The following ADGRG4 variants were observed in gnomAD, a reference collection of about 807,000 sequenced individuals.
ADGRG4 encodes the protein adhesion G protein-coupled receptor G4.
In ADGRG4, 122 loss-of-function variants were observed where a neutral mutation model predicts 126.2. The ratio of observed to expected loss-of-function variants is 0.97; its 90% CI spans 0.83 to 1.12. ADGRG4 has a LOEUF of 1.12. ADGRG4 is among the 50% of genes most tolerant of loss of function. The pLI, the probability that ADGRG4 is intolerant of heterozygous loss-of-function variation, is 0.00. For synonymous variants in ADGRG4, 943 were observed against 838.7 expected (o/e 1.12, Z -2.15); for missense variants, 2,481 against 2,251.8 (o/e 1.10, Z -2.06).
intron 12 of ADGRG4, 116 bp downstream of exon 12, chrX:136,361,703 GTCTT>G (rs1446272712): frequency 6.4e-6 from 3 of 465,708 alleles, no homozygotes; most frequent in Admixed American, 4.2e-5. Flanking sequence ...TCTAGTGCCA[GTCTT>G]TCTTTCTATT....
At chrX:136,312,572 G>A (rs764005174) in intron 4 of ADGRG4, among the ~76,000 whole-genome samples, 5 of 111,939 alleles carry the variant, frequency 4.5e-5, no homozygotes, top group Non-Finnish European at 7.5e-5. Flanking sequence ...GTTGCAGTGA[G>A]TTAAGATCGC....
At chrX:136,353,273 T>C in intron 7 of ADGRG4, 64 bp from the exon 8 acceptor site, 1 of 727,943 alleles carries the variant, frequency 1.4e-6, no homozygotes, top group Non-Finnish European at 2.2e-6. Flanking sequence ...CCATCCCAAG[T>C]GATTTTGCTG....
At chrX:136,337,391 C>A (rs748348414) in intron 5 of ADGRG4, among the ~76,000 whole-genome samples, 1 of 111,939 alleles carries the variant, frequency 8.9e-6, no homozygotes, top group African/African-American at 3.2e-5. Flanking sequence ...TATTTTTGTT[C>A]TTTCCTTTGC....
Position 136,416,437 on chromosome X carries a change from T to C in ADGRG4, c.9206-17T>C, listed in dbSNP as rs754515063. The C allele has an allele frequency of 1.7e-6, 2 of 1,194,266 alleles. No individual in the cohort carries two copies. Among genetic ancestry groups the C allele is most frequent in the South Asian group, 3.7e-5 (2 of 54,320 alleles). ...CTGATGCCGCAGCTGAAAATTTTCT[T>C]TTTTTCTTTACTGCAGATGACTTTG... On this transcript the variant is annotated splice_polypyrimidine_tract_variant and intron_variant, in intron 25 of 25. Transcript: ENST00000394143.
Position 136,351,455 on chromosome X carries a change from T to G in ADGRG4, c.6736T>G (p.Tyr2246Asp). Residue 2246 changes from tyrosine to aspartate, a missense_variant, in exon 7 of 26, where the codon TAC (tyrosine) becomes GAC (aspartate). By Grantham distance (160) the Tyr-to-Asp change is radical. Coordinates refer to ENST00000394143, the MANE Select transcript of ADGRG4 (RefSeq NM_153834.4). ...PTATKSTVSF[Y>D]NVEMSFSVFV... The stretch of plus-strand genomic sequence containing the variant: ...CTTATTTTTAATTACAGTTTCCTTC[T>G]ACAATGTTGAAATGAGCTTCTCTGT... The G allele has an allele frequency of 9.0e-7, 1 of 1,111,207 alleles. No homozygotes were observed. Among genetic ancestry groups the G allele is most frequent in the Admixed American group, 2.6e-5 (1 of 39,016 alleles). 91.6% of individuals were successfully genotyped at this position (1,111,207 alleles called of 1,213,427 possible). A position where few individuals can be genotyped will look rare whatever the true frequency, so the allele number is the denominator to read the frequency against.
chrX:136,366,658 A>G (rs1015469693), intron 13 of ADGRG4, among the ~76,000 whole-genome samples: 2 of 112,456 alleles, frequency 1.8e-5, no homozygotes, highest in African/African-American at 6.5e-5. Flanking sequence ...CCTATCAGCA[A>G]TGAGAGTTCC....
intron 4 of ADGRG4, among the ~76,000 whole-genome samples, chrX:136,317,499 C>CAAAAAAAAAAAAAAAAAAAA (rs35736381): frequency 2.5e-5 from 1 of 40,650 alleles, no homozygotes; most frequent in Non-Finnish European, 4.3e-5. Context: ...GACTCCATCT[C>CAAAAAAAAAAAAAAAAAAAA]AAAAAAAAAA....
intron 11 of ADGRG4, among the ~76,000 whole-genome samples, chrX:136,360,890 A>G (rs1220677617): frequency 1.8e-5 from 2 of 112,205 alleles, no homozygotes; most frequent in Non-Finnish European, 3.8e-5. Flanking sequence ...GTCTTTGGAT[A>G]TAAAACTGCT....
chrX:136,358,710 G>A (rs2075109453), intron 10 of ADGRG4, among the ~76,000 whole-genome samples: 1 of 111,727 alleles, frequency 9.0e-6, no homozygotes, highest in Non-Finnish European at 1.9e-5. Flanking sequence ...CATCATCTGT[G>A]TTATGGGAAT....
Position 136,336,074 on chromosome X carries a change from T to C in ADGRG4, c.686-8318T>C, listed in dbSNP as rs765605183. ...AAAATTAAATTTAATTTGATTAAAATAGTTTTATTTAATTCAATGTTTTAA... is the reference window on the plus strand; with the variant it reads ...AAAATTAAATTTAATTTGATTAAAACAGTTTTATTTAATTCAATGTTTTAA... On this transcript the variant is annotated intron_variant, in intron 5 of 25. Coordinates refer to ENST00000394143, the MANE Select transcript of ADGRG4 (RefSeq NM_153834.4). 3.8e-3 allele frequency among the ~76,000 whole-genome samples: 421 copies of C among 112,233 alleles called. 1 individual carries two copies. Among genetic ancestry groups the C allele is most frequent in the Non-Finnish European group, 5.1e-3 (269 of 53,147 alleles).
chrX:136,345,208 C>A lies in ADGRG4; in HGVS notation c.1502C>A (p.Ala501Glu). ...TTGGCAACAACTGATATGAAAATAG[C>A]ATTTACAGTCCATTCATTGACTCTC... ...FPLATTDMKIAFTVHSLTLPT... is the reference protein window; with the variant it reads ...FPLATTDMKIEFTVHSLTLPT... Residue 501 changes from alanine (A) to glutamate (E), a missense_variant, in exon 6 of 26, where the codon GCA becomes GAA. Ala to Glu is a moderately radical substitution (Grantham distance 107). Transcript: ENST00000394143. The A allele has an allele frequency of 8.3e-7, 1 of 1,209,328 alleles. No homozygotes were observed. The highest frequency in any genetic ancestry group is 1.1e-6 in the Non-Finnish European group (1 of 893,419).
At chrX:136,320,461 C>T (rs1952009623) in intron 4 of ADGRG4, among the ~76,000 whole-genome samples, 1 of 112,304 alleles carries the variant, frequency 8.9e-6, no homozygotes, top group Admixed American at 9.5e-5. Context: ...GATATTCTGT[C>T]TTCTAAAATT....
intron 21 of ADGRG4, among the ~76,000 whole-genome samples, chrX:136,400,649 G>A (rs1416570275): frequency 8.9e-6 from 1 of 111,852 alleles, no homozygotes; most frequent in Non-Finnish European, 1.9e-5. Flanking sequence ...TCCATAGTTT[G>A]GACTTCTAAC....
In ADGRG4 at chrX:136,322,968, C is replaced by T. The variant is rs1032192867; in HGVS notation, c.261C>T (p.Asp87=). ...ITNNALLGRE[D]IDLGLAGDHQ... Reference sequence around the variant, plus strand: ...ATAACGCCCTCCTGGGCAGAGAAGACATAGACCTTGGACTTGCAGGAGACC... The same window carrying T: ...ATAACGCCCTCCTGGGCAGAGAAGATATAGACCTTGGACTTGCAGGAGACC... Residue 87 remains aspartate, a synonymous_variant, in exon 5 of 26, where the codon GAC becomes GAT. Coordinates refer to ENST00000394143, the MANE Select transcript of ADGRG4 (RefSeq NM_153834.4). The T allele has an allele frequency of 8.3e-6, 10 of 1,209,610 alleles. No homozygotes were observed. The highest frequency in any genetic ancestry group is 5.2e-5 in the African/African-American group (3 of 57,218).
chrX:136,408,376 C>T (rs920457740), intron 23 of ADGRG4, among the ~76,000 whole-genome samples: 1 of 111,552 alleles, frequency 9.0e-6, no homozygotes, highest in Non-Finnish European at 1.9e-5. Context: ...TCCCTCTTCT[C>T]CCCCTAATAG....
rs1256658244 is a variant in ADGRG4 at position 136,345,649 on chromosome X, T to C, written c.1943T>C (p.Leu648Pro). 1 of 1,209,068 alleles carries C rather than the reference T, an allele frequency of 8.3e-7. No homozygotes were observed. Among genetic ancestry groups the C allele is most frequent in the African/African-American group, 1.7e-5 (1 of 57,175 alleles). The stretch of plus-strand genomic sequence containing the variant: ...TCCACAACTGATGAAGCTGCCCATC[T>C]GTTCTCCAGCAATGAGACCATTTGG... ...PTSTTDEAAH[L>P]FSSNETIWTS... Residue 648 changes from leucine (L) to proline (P), a missense_variant, in exon 6 of 26, where the codon CTG (leucine) becomes CCG (proline). Leu to Pro is a moderately conservative substitution (Grantham distance 98). Transcript: ENST00000394143.
intron 11 of ADGRG4, 60 bp downstream of exon 11, chrX:136,359,515 A>C: frequency 2.3e-6 from 2 of 856,030 alleles, no homozygotes; most frequent in Non-Finnish European, 3.3e-6. Context: ...TATAAAACTC[A>C]TAATGCATAC....
chrX:136,349,586 T>C lies in ADGRG4; in HGVS notation c.5880T>C (p.Ser1960=). ...CTGAGAACCCTTCATTATCAACATC[T>C]TTAAGAGCTATCACTTCCACATTGG... The part of the protein sequence containing the change: ...GLSENPSLST[S]LRAITSTLAD... The change falls in exon 6 of 26, where the codon TCT becomes TCC. Residue 1960 remains serine (S), a synonymous_variant. Transcript: ENST00000394143. 8.3e-7 allele frequency: 1 copy of C among 1,210,006 alleles called. No individual in the cohort carries two copies. The highest frequency in any genetic ancestry group is 1.1e-6 in the Non-Finnish European group (1 of 894,369).
chrX:136,324,039 G>A (rs991312392), intron 5 of ADGRG4, among the ~76,000 whole-genome samples: 3 of 111,634 alleles, frequency 2.7e-5, no homozygotes, highest in Admixed American at 9.5e-5. Context: ...TTTTTGGTAA[G>A]AATACCACAG....
Sources: allele counts gnomAD v4.1 joint callset (sites outside exome capture counted in the v4.1 genomes callset), GRCh38; gene constraint gnomAD v4.1.1; transcripts MANE v1.5; gene names NCBI Gene and HGNC (gene_info 2026-07-23, HGNC 2026-07-21).